NCKAP5: variants seen among roughly 807,000 people sequenced by gnomAD.
The protein encoded by NCKAP5 is NCK associated protein 5.
In NCKAP5, 92 loss-of-function variants were observed where a neutral mutation model predicts 167.0. The ratio of observed to expected loss-of-function variants is 0.55; its 90% confidence interval spans 0.47 to 0.66. The LOEUF (loss-of-function observed/expected upper bound fraction) is 0.66, where lower values mean the gene tolerates loss of function less well. Ranked by LOEUF, NCKAP5 falls within the 30% of genes least tolerant of loss-of-function variation. The pLI, the probability that NCKAP5 is intolerant of heterozygous loss-of-function variation, is 0.00. For synonymous variants in NCKAP5, 891 were observed against 877.4 expected (o/e 1.02, Z -0.27); for missense variants, 2,378 against 2,315.0 (o/e 1.03, Z -0.56).
the NCKAP5 span, among the ~76,000 whole-genome samples, chr2:133,587,567 C>A: frequency 6.6e-6 from 1 of 152,170 alleles, no homozygotes; most frequent in Non-Finnish European, 1.5e-5. Context: ...TGAGAAAAGT[C>A]CTCAGGGCAG....
intron 6 of NCKAP5, among the ~76,000 whole-genome samples, chr2:133,039,236 T>C (rs2079135787): frequency 6.6e-6 from 1 of 152,200 alleles, no homozygotes; most frequent in African/African-American, 2.4e-5. Flanking sequence ...TTCTAGGTAA[T>C]AAGCCAAATG....
At chr2:133,220,907 C>T (rs1270191800) in intron 4 of NCKAP5, among the ~76,000 whole-genome samples, 7 of 152,130 alleles carry the variant, frequency 4.6e-5, no homozygotes, top group Admixed American at 3.3e-4. Context: ...GCTGTGTGCC[C>T]CACTCTCCAC....
intron 5 of NCKAP5, among the ~76,000 whole-genome samples, chr2:133,179,517 CAG>C (rs761930874): frequency 2.6e-4 from 39 of 152,002 alleles, no homozygotes; most frequent in Admixed American, 1.8e-3. Flanking sequence ...AACGAGAAGA[CAG>C]AGATGTTTGA....
intron 3 of NCKAP5, among the ~76,000 whole-genome samples, chr2:133,323,470 G>T (rs1414426005): frequency 6.6e-6 from 1 of 152,124 alleles, no homozygotes; most frequent in African/African-American, 2.4e-5. Flanking sequence ...GCAAGGCTTG[G>T]GTCACGGTAA....
intron 5 of NCKAP5, among the ~76,000 whole-genome samples, chr2:133,140,509 T>G (rs1037210640): frequency 6.6e-6 from 1 of 152,142 alleles, no homozygotes; most frequent in Non-Finnish European, 1.5e-5. Context: ...ATTCCAAGAT[T>G]TTTCATCCTC....
intron 7 of NCKAP5, among the ~76,000 whole-genome samples, chr2:132,973,831 G>A (rs2076903462): frequency 6.6e-6 from 1 of 152,112 alleles, no homozygotes; most frequent in African/African-American, 2.4e-5. Context: ...AAAGGCCAGT[G>A]AGAGTTTAGT....
chr2:132,826,730 G>T (rs926168391), intron 11 of NCKAP5, among the ~76,000 whole-genome samples: 1 of 152,152 alleles, frequency 6.6e-6, no homozygotes, highest in African/African-American at 2.4e-5. Context: ...TGCCTCCCAT[G>T]CCTAGGTAAA....
chr2:133,197,628 A>G lies in NCKAP5; in HGVS notation c.207+16088T>C, dbSNP rs115276256. Among the ~76,000 whole-genome samples, 1,324 of 152,278 alleles carry G rather than the reference A, an allele frequency of 8.7e-3. 14 individuals carry two copies. The highest frequency in any genetic ancestry group is 0.029 in the African/African-American group (1,224 of 41,568). On this transcript the variant is annotated intron_variant, in intron 5 of 19. Coordinates refer to ENST00000409261, the MANE Select transcript of NCKAP5 (RefSeq NM_207363.3). The stretch of plus-strand genomic sequence containing the variant: ...AAAAAAAAAACAAAAACAGGGCTTT[A>G]AAGAACGAAATATAACCTTCTTTTC...
chr2:132,860,987 C>T (rs201972759), intron 10 of NCKAP5, among the ~76,000 whole-genome samples: 2 of 151,994 alleles, frequency 1.3e-5, no homozygotes, highest in Admixed American at 6.6e-5. Context: ...AGTGTTTCTG[C>T]AGGGAATAGA....
intron 6 of NCKAP5, among the ~76,000 whole-genome samples, chr2:132,998,694 A>G (rs563569314): frequency 3.9e-5 from 6 of 152,284 alleles, no homozygotes; most frequent in African/African-American, 1.4e-4. Context: ...TTTGACGCCC[A>G]ATTACATTTT....
At chr2:133,092,689 T>C (rs887588230) in intron 6 of NCKAP5, among the ~76,000 whole-genome samples, 4 of 152,238 alleles carry the variant, frequency 2.6e-5, no homozygotes, top group Admixed American at 2.0e-4. Context: ...AGAACTTATC[T>C]ACTGTCCTTC....
At chr2:133,374,910 T>C (rs1218569060) in intron 3 of NCKAP5, among the ~76,000 whole-genome samples, 2 of 152,182 alleles carry the variant, frequency 1.3e-5, no homozygotes, top group Non-Finnish European at 2.9e-5. Flanking sequence ...TTAACTGTCT[T>C]TTCTGCGCTC....
At chr2:133,479,084 G>A (rs1381363374) in intron 3 of NCKAP5, among the ~76,000 whole-genome samples, 1 of 152,140 alleles carries the variant, frequency 6.6e-6, no homozygotes, top group Non-Finnish European at 1.5e-5. Context: ...GTGTCACAAG[G>A]GTTTGCAACT....
intron 8 of NCKAP5, among the ~76,000 whole-genome samples, chr2:132,905,136 A>G (rs1001621055): frequency 2.0e-5 from 3 of 152,170 alleles, no homozygotes; most frequent in Non-Finnish European, 2.9e-5. Flanking sequence ...TAATCCACAT[A>G]GGATTTATGT....
At chr2:133,004,388 C>A (rs767424807) in intron 6 of NCKAP5, among the ~76,000 whole-genome samples, 1 of 152,020 alleles carries the variant, frequency 6.6e-6, no homozygotes, top group African/African-American at 2.4e-5. Context: ...TAAGTGTTGG[C>A]CGCTCTGAGA....
At chr2:133,205,595 T>C (rs2085912451) in intron 5 of NCKAP5, among the ~76,000 whole-genome samples, 1 of 152,170 alleles carries the variant, frequency 6.6e-6, no homozygotes, top group African/African-American at 2.4e-5. Context: ...TCATGTCATA[T>C]GTATTTAAAC....
intron 3 of NCKAP5, among the ~76,000 whole-genome samples, chr2:133,340,563 A>C (rs569796175): frequency 6.6e-6 from 1 of 152,300 alleles, no homozygotes; most frequent in East Asian, 1.9e-4. Context: ...ATACCCCCTG[A>C]CAATGCATAA....
At chr2:132,964,688 C>A (rs1199529908) in intron 7 of NCKAP5, among the ~76,000 whole-genome samples, 2 of 152,116 alleles carry the variant, frequency 1.3e-5, no homozygotes, top group African/African-American at 4.8e-5. Flanking sequence ...CTATTTAATT[C>A]TAAACACAAT....
At chr2:133,127,736 C>G (rs545905720) in intron 6 of NCKAP5, among the ~76,000 whole-genome samples, 2 of 152,158 alleles carry the variant, frequency 1.3e-5, no homozygotes, top group African/African-American at 4.8e-5. Context: ...ACCAATATTA[C>G]CAAGCAGTGC....
Sources: gnomAD v4.1 joint callset for allele counts (sites outside exome capture counted in the v4.1 genomes callset) on GRCh38, gnomAD v4.1.1 for gene constraint, MANE v1.5 for transcripts, NCBI Gene and HGNC (gene_info 2026-07-23, HGNC 2026-07-21) for gene names.